The following MEGF10 variants were observed in gnomAD, a reference collection of about 807,000 sequenced individuals.
MEGF10 encodes multiple EGF like domains 10, also known as multiple epidermal growth factor-like domains protein 10.
Under a neutral mutation model 147.5 loss-of-function variants are expected in MEGF10, and 86 were observed. The ratio of observed to expected loss-of-function variants is 0.58; its 90% CI spans 0.49 to 0.70. MEGF10 has a LOEUF of 0.70. Among genes scored for constraint, MEGF10 ranks in the 30% least tolerant of loss-of-function variants. The pLI, the probability that MEGF10 is intolerant of heterozygous loss-of-function variation, is 0.00. For missense variants in MEGF10, 1,329 were observed against 1,487.3 expected (o/e 0.89, Z 1.75); for synonymous variants, 478 against 525.5 (o/e 0.91, Z 1.24).
At chr5:127,233,813 C>T in the MEGF10 span, among the ~76,000 whole-genome samples, 2 of 152,030 alleles carry the variant, frequency 1.3e-5, no homozygotes, top group South Asian at 2.1e-4. Context: ...TCCTTCACTT[C>T]GTTTAATCAA....
At chr5:127,417,279 A>T (rs1364591969) in intron 9 of MEGF10, among the ~76,000 whole-genome samples, 11 of 152,188 alleles carry the variant, frequency 7.2e-5, no homozygotes, top group Non-Finnish European at 1.6e-4. Flanking sequence ...CATACTAGTT[A>T]ACTGGTTTGG....
chr5:127,424,543 C>T (rs1765146268), intron 13 of MEGF10: 2 of 1,404,652 alleles, frequency 1.4e-6, no homozygotes, highest in South Asian at 3.3e-5. Flanking sequence ...TGTCTCTCAG[C>T]CCCTTGGAAA....
the MEGF10 span, among the ~76,000 whole-genome samples, chr5:127,256,079 C>A: frequency 2.0e-5 from 3 of 152,284 alleles, no homozygotes; most frequent in East Asian, 5.8e-4. Context: ...CCCATGACTG[C>A]CCTAACCAAA....
chr5:127,293,009 A>G (rs957765753), intron 1 of MEGF10, among the ~76,000 whole-genome samples: 21 of 152,222 alleles, frequency 1.4e-4, no homozygotes, highest in African/African-American at 5.1e-4. Flanking sequence ...GCACATAAAA[A>G]GCACGTATCA....
chr5:127,230,847 T>C, the MEGF10 span, among the ~76,000 whole-genome samples: 2 of 151,418 alleles, frequency 1.3e-5, no homozygotes, highest in South Asian at 2.1e-4. Flanking sequence ...ATTTGTGTCC[T>C]AATAACCCAA....
At position 127,461,152 on chromosome 5, in the gene MEGF10, C is replaced by CT. The variant is rs1311068458; in HGVS notation, c.*3836dup. ...CCAAAGATGATAAACTTTCATCGTT[C>CT]TTAGCCTACATTGTCATTTATATCA... On this transcript the variant is annotated 3_prime_UTR_variant, in exon 25 of 25. Coordinates refer to ENST00000503335, the MANE Select transcript of MEGF10 (RefSeq NM_001256545.2). 1 of 152,194 alleles carries CT rather than the reference C, an allele frequency of 6.6e-6. No homozygotes were observed. The highest frequency in any genetic ancestry group is 2.4e-5 in the African/African-American group (1 of 41,450). The allele number at this position is 152,194 out of a possible 1,614,324, so 9.4% of individuals were successfully genotyped here.
At chr5:127,243,925 G>T in the MEGF10 span, among the ~76,000 whole-genome samples, 1 of 152,082 alleles carries the variant, frequency 6.6e-6, no homozygotes, top group Non-Finnish European at 1.5e-5. Flanking sequence ...TGCTGGGCAT[G>T]GTGGCTCATG....
chr5:127,257,307 TA>T, the MEGF10 span, among the ~76,000 whole-genome samples: 40,150 of 130,320 alleles, frequency 0.31, 6,072 homozygotes, highest in African/African-American at 0.43. Flanking sequence ...TTCTTTTTAT[TA>T]AAAAAAAAAA....
chr5:127,438,980 G>A (rs550201172), intron 17 of MEGF10, among the ~76,000 whole-genome samples: 2 of 152,262 alleles, frequency 1.3e-5, no homozygotes, highest in Middle Eastern at 3.4e-3. Flanking sequence ...CGTGTTTTTC[G>A]AATGGTAGCA....
At chr5:127,316,075 A>C (rs1760537431) in intron 1 of MEGF10, among the ~76,000 whole-genome samples, 1 of 152,202 alleles carries the variant, frequency 6.6e-6, no homozygotes, top group South Asian at 2.1e-4. Context: ...ATCAATGGAG[A>C]TGCAACACTT....
At position 127,433,465 on chromosome 5, in the gene MEGF10, T is replaced by C. The variant is rs1314960222; in HGVS notation, c.1796T>C (p.Ile599Thr). ...GCTTCATGCTCCCCTGATGATGGCATCTGCGAGTGTGCACCAGGCTTCCGA... is the reference window on the plus strand; with the variant it reads ...GCTTCATGCTCCCCTGATGATGGCACCTGCGAGTGTGCACCAGGCTTCCGA... ...NGASCSPDDGICECAPGFRGT... is the reference protein window; with the variant it reads ...NGASCSPDDGTCECAPGFRGT... The change falls in exon 14 of 25, where the codon ATC (isoleucine) becomes ACC (threonine). Residue 599 changes from isoleucine (I) to threonine (T), a missense_variant. Physicochemically the swap from Ile to Thr is moderately conservative, Grantham distance 89. Coordinates refer to ENST00000503335, the MANE Select transcript of MEGF10 (RefSeq NM_001256545.2). 1 of 1,613,760 alleles carries C rather than the reference T, an allele frequency of 6.2e-7. No individual in the cohort carries two copies. The highest frequency in any genetic ancestry group is 8.5e-7 in the Non-Finnish European group (1 of 1,179,818).
At chr5:127,321,012 T>C (rs1264360224) in intron 1 of MEGF10, among the ~76,000 whole-genome samples, 1 of 152,212 alleles carries the variant, frequency 6.6e-6, no homozygotes, top group Non-Finnish European at 1.5e-5. Context: ...GTATCTAACT[T>C]TTAGTGAATA....
the MEGF10 span, among the ~76,000 whole-genome samples, chr5:127,257,726 C>T: frequency 2.6e-5 from 4 of 152,160 alleles, no homozygotes; most frequent in Non-Finnish European, 5.9e-5. Context: ...GTACCCCCAA[C>T]ACTTTCAAGC....
chr5:127,441,412 A>T (rs544544975), intron 18 of MEGF10, among the ~76,000 whole-genome samples: 24 of 152,302 alleles, frequency 1.6e-4, no homozygotes, highest in African/African-American at 5.8e-4. Context: ...TCCAGACAAC[A>T]TACTGCCTTA....
chr5:127,376,628 G>T (rs72788578), intron 5 of MEGF10, among the ~76,000 whole-genome samples: 22,868 of 152,066 alleles, frequency 0.15, 1,811 homozygotes, highest in African/African-American at 0.19. Context: ...ATAAAAGGGG[G>T]CAGAAGGGCG....
At chr5:127,365,058 C>T (rs1004720333) in intron 4 of MEGF10, among the ~76,000 whole-genome samples, 2 of 152,164 alleles carry the variant, frequency 1.3e-5, no homozygotes, top group African/African-American at 4.8e-5. Context: ...TGTAGCAACT[C>T]ACTGAATAAA....
At chr5:127,396,172 C>T (rs1317425619) in intron 5 of MEGF10, among the ~76,000 whole-genome samples, 2 of 152,232 alleles carry the variant, frequency 1.3e-5, no homozygotes, top group Admixed American at 6.5e-5. Context: ...TCATTCCCGT[C>T]TGCCTAGCCA....
chr5:127,236,905 T>A, the MEGF10 span, among the ~76,000 whole-genome samples: 1 of 152,194 alleles, frequency 6.6e-6, no homozygotes, highest in Non-Finnish European at 1.5e-5. Context: ...ACTGAGAGAA[T>A]CCTTTCTTTC....
At chr5:127,249,110 G>A in the MEGF10 span, among the ~76,000 whole-genome samples, 2 of 151,854 alleles carry the variant, frequency 1.3e-5, no homozygotes, top group African/African-American at 2.4e-5. Flanking sequence ...TAATTGACTG[G>A]TTCAAGCAAA....
Sources: gnomAD v4.1 joint callset for allele counts (sites outside exome capture counted in the v4.1 genomes callset) on GRCh38, gnomAD v4.1.1 for gene constraint, MANE v1.5 for transcripts, NCBI Gene and HGNC (gene_info 2026-07-23, HGNC 2026-07-21) for gene names.